Variants in SEC24A observed in about 807,000 individuals in gnomAD.
SEC24A encodes the protein SEC24 homolog A, COPII component.
SEC24A carries 93 observed loss-of-function variants against 129.4 expected under a neutral mutation model. The observed-to-expected ratio is 0.72, with a 90% CI of 0.61 to 0.85. The LOEUF (loss-of-function observed/expected upper bound fraction) is 0.85, where lower values mean the gene tolerates loss of function less well. SEC24A is among the 40% of genes least tolerant of loss of function. SEC24A has a pLI of 0.00. For synonymous variants in SEC24A, 460 were observed against 467.3 expected (o/e 0.98, Z 0.20); for missense variants, 1,264 against 1,307.4 (o/e 0.97, Z 0.51).
rs778204301 is a variant in SEC24A, at chr5:134,671,849, C to T, written c.780C>T (p.His260=). Residue 260 remains histidine (H), a synonymous_variant, in exon 4 of 23, where the codon CAC becomes CAT. Coordinates refer to ENST00000398844, the MANE Select transcript of SEC24A (RefSeq NM_021982.3). ...CCAATAACGGATCTATGGTGGTCCA[C>T]AGTAGTTACGACGAGATTGAAGGAG... is the stretch of plus-strand genomic sequence containing the variant. The part of the protein sequence containing the change: ...SNTNNGSMVV[H]SSYDEIEGGG... 4 of 1,608,994 alleles carry T rather than the reference C, an allele frequency of 2.5e-6. No homozygotes were observed. Among genetic ancestry groups the T allele is most frequent in the Non-Finnish European group, 8.5e-7 (1 of 1,178,086 alleles).
At chr5:134,660,357 T>G (rs1245310577) in intron 1 of SEC24A, among the ~76,000 whole-genome samples, 1 of 152,066 alleles carries the variant, frequency 6.6e-6, no homozygotes, top group Non-Finnish European at 1.5e-5. Flanking sequence ...CAGAGTAAAG[T>G]GCTGTCTCAA....
chr5:134,693,964 T>A, intron 13 of SEC24A, 31 bp downstream of exon 13: 1 of 1,572,640 alleles, frequency 6.4e-7, no homozygotes, highest in Non-Finnish European at 8.7e-7. Flanking sequence ...CTGATAAGGT[T>A]TATGCTGGTG....
chr5:134,685,106 A>T (rs1361367955), intron 9 of SEC24A, among the ~76,000 whole-genome samples: 1 of 152,166 alleles, frequency 6.6e-6, no homozygotes. Flanking sequence ...ATGGTGGCTC[A>T]CACCTATAAT....
chr5:134,671,866 T>C lies in SEC24A; in HGVS notation c.797T>C (p.Ile266Thr), dbSNP rs545849802. 1.9e-6 allele frequency: 3 copies of C among 1,609,118 alleles called. No homozygotes were observed. Among genetic ancestry groups the C allele is most frequent in the Admixed American group, 1.7e-5 (1 of 59,340 alleles). The change falls in exon 4 of 23, where the codon ATT (isoleucine) becomes ACT (threonine). Residue 266 changes from isoleucine to threonine, a missense_variant. Coordinates refer to ENST00000398844, the MANE Select transcript of SEC24A (RefSeq NM_021982.3). ...GTGGTCCACAGTAGTTACGACGAGA[T>C]TGAAGGAGGTGGCTTATTGGGTGAG... ...SMVVHSSYDE[I>T]EGGGLLATPQ...
chr5:134,717,998 TTTG>T lies in SEC24A; in HGVS notation c.2866-62_2866-60del, dbSNP rs201957551. The T allele has an allele frequency of 7.1e-3, 7,903 of 1,120,610 alleles. 42 individuals carry two copies. Among genetic ancestry groups the T allele is most frequent in the Admixed American group, 0.012 (704 of 56,860 alleles). The allele number at this position is 1,120,610 out of a possible 1,614,324, so 69.4% of individuals were successfully genotyped here. A position where few individuals can be genotyped will look rare whatever the true frequency, so the allele number is the denominator to read the frequency against. On this transcript the variant is annotated intron_variant, in intron 19 of 22. Transcript: ENST00000398844. The stretch of plus-strand genomic sequence containing the variant: ...TGTAGAGGTAACATTCATTTAATTT[TTTG>T]TTGTTGTTTAACTGTGACTCCATAT...
At chr5:134,667,056 A>T in intron 3 of SEC24A, 60 bp downstream of exon 3, 3 of 1,365,524 alleles carry the variant, frequency 2.2e-6, no homozygotes, top group Non-Finnish European at 3.0e-6. Flanking sequence ...AGAAAGATGA[A>T]TATTAGCTGA....
At position 134,682,725 on chromosome 5, in the gene SEC24A, C is replaced by T. The variant is rs566299714; in HGVS notation, c.1491+243C>T. 3.9e-5 allele frequency among the ~76,000 whole-genome samples: 6 copies of T among 152,178 alleles called. No individual in the cohort carries two copies. In the South Asian group the frequency reaches 1.2e-3, roughly 32 times the overall value. ...GAGTAGCTGGGGCTATAGGCACGCA[C>T]CACCACACCTGGCTTATTTTTATTA... On this transcript the variant is annotated intron_variant, in intron 9 of 22. Coordinates refer to ENST00000398844, the MANE Select transcript of SEC24A (RefSeq NM_021982.3).
In SEC24A at chr5:134,648,856, G is replaced by C; in HGVS notation, c.-221G>C. 1 of 385,746 alleles carries C rather than the reference G, an allele frequency of 2.6e-6. No homozygotes were observed. Among genetic ancestry groups the C allele is most frequent in the Non-Finnish European group, 4.8e-6 (1 of 208,902 alleles). The allele number at this position is 385,746 out of a possible 1,614,324, so 23.9% of individuals were successfully genotyped here. A position where few individuals can be genotyped will look rare whatever the true frequency, so the allele number is the denominator to read the frequency against. ...CTTCTAGCCGGGCGTTCGCGGCCCCGCCGGCCCGACTCTCAAGCCTCAGCT... is the reference window on the plus strand; with the variant it reads ...CTTCTAGCCGGGCGTTCGCGGCCCCCCCGGCCCGACTCTCAAGCCTCAGCT... On this transcript the variant is annotated 5_prime_UTR_variant, in exon 1 of 23. Coordinates refer to ENST00000398844, the MANE Select transcript of SEC24A (RefSeq NM_021982.3).
chr5:134,656,077 A>C (rs1192266855), intron 1 of SEC24A, among the ~76,000 whole-genome samples: 1 of 134,626 alleles, frequency 7.4e-6, no homozygotes, highest in Non-Finnish European at 1.6e-5. Context: ...GGCTGCAGCT[A>C]AATATCTTTT....
At chr5:134,684,709 T>G (rs1339252536) in intron 9 of SEC24A, among the ~76,000 whole-genome samples, 1 of 151,550 alleles carries the variant, frequency 6.6e-6, no homozygotes, top group Non-Finnish European at 1.5e-5. Flanking sequence ...CGAGACTCCA[T>G]CTCAAAAAAC....
Position 134,726,986 on chromosome 5 carries a change from A to G in SEC24A, c.*1892A>G, listed in dbSNP as rs1752769941. On this transcript the variant is annotated 3_prime_UTR_variant, in exon 23 of 23. Coordinates refer to ENST00000398844, the MANE Select transcript of SEC24A (RefSeq NM_021982.3). ...TTAAATATTATTTTAGATACGGTGT[A>G]ACATGTGCAATTCAGAATAATTTTA... 1 of 152,560 alleles carries G rather than the reference A, an allele frequency of 6.6e-6. No individual in the cohort carries two copies. Among genetic ancestry groups the G allele is most frequent in the African/African-American group, 2.4e-5 (1 of 41,446 alleles). 9.5% of individuals were successfully genotyped at this position (152,560 alleles called of 1,614,324 possible). A position where few individuals can be genotyped will look rare whatever the true frequency, so the allele number is the denominator to read the frequency against.
intron 11 of SEC24A, among the ~76,000 whole-genome samples, chr5:134,689,871 G>C (rs1027369007): frequency 3.3e-5 from 5 of 151,744 alleles, no homozygotes; most frequent in African/African-American, 9.7e-5. Flanking sequence ...AACATGCTAA[G>C]TGAAATAAGC....
At chr5:134,721,376 A>G (rs1052971802) in intron 21 of SEC24A, among the ~76,000 whole-genome samples, 2 of 150,012 alleles carry the variant, frequency 1.3e-5, no homozygotes, top group African/African-American at 5.1e-5. Context: ...CATCCTGGCC[A>G]ACATGGTGAA....
intron 6 of SEC24A, 129 bp downstream of exon 6, chr5:134,675,346 A>G (rs894901622): frequency 9.1e-6 from 6 of 661,194 alleles, no homozygotes; most frequent in Non-Finnish European, 1.5e-5. Flanking sequence ...AGATGATAGA[A>G]CTCTTTTACT....
At position 134,688,210 on chromosome 5, in the gene SEC24A, G is replaced by T. The variant is rs902944810; in HGVS notation, c.1634G>T (p.Gly545Val). Reference sequence around the variant, plus strand: ...CCTGGCAACACTAGAACAAAAATTGGCTTCATAACATTTGACAGTACAATC... The same window carrying T: ...CCTGGCAACACTAGAACAAAAATTGTCTTCATAACATTTGACAGTACAATC... ...LLPGNTRTKI[G>V]FITFDSTIHF... Residue 545 changes from glycine (G) to valine (V), a missense_variant, in exon 11 of 23, where the codon GGC becomes GTC. By Grantham distance (109) the Gly-to-Val change is moderately radical (BLOSUM62 -3). Transcript: ENST00000398844. The T allele has an allele frequency of 6.2e-7, 1 of 1,612,628 alleles. No individual in the cohort carries two copies. Among genetic ancestry groups the T allele is most frequent in the African/African-American group, 1.3e-5 (1 of 74,986 alleles).
chr5:134,650,537 C>CT (rs891812570), intron 1 of SEC24A, among the ~76,000 whole-genome samples: 1,977 of 141,168 alleles, frequency 0.014, 39 homozygotes, highest in African/African-American at 0.043. Context: ...TGTTCCACAT[C>CT]TTTTTTTTTT....
chr5:134,666,389 G>A (rs1750659304), intron 2 of SEC24A, among the ~76,000 whole-genome samples: 1 of 152,038 alleles, frequency 6.6e-6, no homozygotes, highest in East Asian at 1.9e-4. Context: ...AACCCTGGCT[G>A]TACTAAAAAT....
chr5:134,661,105 C>A lies in SEC24A; in HGVS notation c.98-14C>A. Reference sequence around the variant, plus strand: ...TTCGTTGGTAAGACTAATTTTTCCTCCTTTTATTGGAAGGTCCTGTCCAAA... The same window carrying A: ...TTCGTTGGTAAGACTAATTTTTCCTACTTTTATTGGAAGGTCCTGTCCAAA... On this transcript the variant is annotated splice_polypyrimidine_tract_variant and intron_variant, in intron 1 of 22. Coordinates refer to ENST00000398844, the MANE Select transcript of SEC24A (RefSeq NM_021982.3). The A allele has an allele frequency of 1.3e-6, 2 of 1,549,412 alleles. No homozygotes were observed. Among genetic ancestry groups the A allele is most frequent in the South Asian group, 2.4e-5 (2 of 81,660 alleles).
chr5:134,708,675 T>G, intron 17 of SEC24A, 38 bp from the exon 18 acceptor site: 1 of 1,570,044 alleles, frequency 6.4e-7, no homozygotes, highest in Non-Finnish European at 8.6e-7. Flanking sequence ...TAAACTTCTA[T>G]CATATTTCTT....
Sources: gnomAD v4.1 joint callset for allele counts (sites outside exome capture counted in the v4.1 genomes callset) on GRCh38, gnomAD v4.1.1 for gene constraint, MANE v1.5 for transcripts, NCBI Gene and HGNC (gene_info 2026-07-23, HGNC 2026-07-21) for gene names.